ABCA3: variants seen among roughly 807,000 people sequenced by gnomAD.
ABCA3 encodes phospholipid-transporting ATPase ABCA3.
A neutral mutation model predicts 172.8 loss-of-function variants in ABCA3; 88 were observed. The ratio of observed to expected loss-of-function variants is 0.51; its 90% CI spans 0.43 to 0.61. ABCA3 has a LOEUF of 0.61. Among genes scored for constraint, ABCA3 ranks in the 20% least tolerant of loss-of-function variants. The pLI is 0.00. For synonymous variants in ABCA3, 1,066 were observed against 983.8 expected, an observed-to-expected ratio of 1.08 and a Z score of -1.56; for missense variants, 2,164 against 2,301.0, an observed-to-expected ratio of 0.94 and a Z score of 1.22.
chr16:2,295,468 A>T, intron 18 of ABCA3, 122 bp downstream of exon 18: 2 of 1,467,216 alleles, frequency 1.4e-6, no homozygotes, highest in East Asian at 2.3e-5. Context: ...TGAGGGTCTA[A>T]GAGTGCCGAC....
At chr16:2,334,866 T>C (rs2093749293) in intron 1 of ABCA3, among the ~76,000 whole-genome samples, 1 of 151,342 alleles carries the variant, frequency 6.6e-6, no homozygotes, top group Non-Finnish European at 1.5e-5. Flanking sequence ...TTCACTCTTG[T>C]TGCCCAGGCT....
At chr16:2,307,016 C>CAAAAAAAAAAAAAAAAAA (rs201661615) in intron 11 of ABCA3, among the ~76,000 whole-genome samples, 68 of 65,922 alleles carry the variant, frequency 1.0e-3, no homozygotes, top group Non-Finnish European at 1.3e-3. Context: ...GACTCCGTCT[C>CAAAAAAAAAAAAAAAAAA]AAAAAAAAAA....
chr16:2,279,112 A>G lies in ABCA3; in HGVS notation c.4378T>C (p.Tyr1460His). Residue 1460 changes from tyrosine (Y) to histidine (H), a missense_variant, in exon 29 of 33, where the codon TAC becomes CAC. Physicochemically the swap from Tyr to His is moderately conservative, Grantham distance 83. Coordinates refer to ENST00000301732, the MANE Select transcript of ABCA3 (RefSeq NM_001089.3). This position sits in a 1 kb window ranked among gnomAD's most constrained non-coding sequence, Gnocchi z 4.4. ...DVGKVRQRIG[Y>H]CPQFDALLDH... The stretch of plus-strand genomic sequence containing the variant: ...AGCAAGGCATCAAACTGCGGGCAGT[A>G]GCCGATCCGCTGCCGCACCTGGGGT... The G allele has an allele frequency of 6.2e-7, 1 of 1,611,836 alleles. No individual in the cohort carries two copies. Among genetic ancestry groups the G allele is most frequent in the Non-Finnish European group, 8.5e-7 (1 of 1,179,994 alleles).
At chr16:2,337,752 C>T (rs2141754190) in intron 1 of ABCA3, among the ~76,000 whole-genome samples, 1 of 152,312 alleles carries the variant, frequency 6.6e-6, no homozygotes, top group Non-Finnish European at 1.5e-5. Flanking sequence ...AACCCACAGC[C>T]ATTGGCTGAG....
rs142938848 is a variant in ABCA3 at position 2,319,692 on chromosome 16, G to T, written c.762C>A (p.Pro254=). ...RFPYPPFIAD[P]FLVAIQYQLP... ...GCTGGTACTGGATGGCCACGAGGAA[G>T]GGGTCTGCGATGAACGGCGGGTACG... is the stretch of plus-strand genomic sequence containing the variant. Residue 254 remains proline (P), a synonymous_variant, in exon 8 of 33, where the codon CCC becomes CCA. Transcript: ENST00000301732. The T allele has an allele frequency of 3.0e-5, 48 of 1,613,906 alleles. No homozygotes were observed. The highest frequency in any genetic ancestry group is 1.4e-5 in the Non-Finnish European group (16 of 1,180,024).
chr16:2,331,921 A>C (rs2093743858), intron 1 of ABCA3, among the ~76,000 whole-genome samples: 1 of 152,202 alleles, frequency 6.6e-6, no homozygotes, highest in Non-Finnish European at 1.5e-5. Context: ...CACAGTCAGG[A>C]AAGGGAAGGC....
At chr16:2,319,378 G>C (rs567739572) in intron 8 of ABCA3, among the ~76,000 whole-genome samples, 2 of 151,888 alleles carry the variant, frequency 1.3e-5, no homozygotes, top group African/African-American at 4.8e-5. Context: ...CCAACTACTC[G>C]GGAGGCTGAG....
intron 7 of ABCA3, among the ~76,000 whole-genome samples, chr16:2,323,046 A>G (rs990744268): frequency 2.6e-5 from 4 of 152,380 alleles, no homozygotes; most frequent in African/African-American, 7.2e-5. Flanking sequence ...CAAAAGACAC[A>G]TGAAAAAATG....
At position 2,300,034 on chromosome 16, in the gene ABCA3, C is replaced by A; in HGVS notation, c.1582G>T (p.Ala528Ser). ...YFEAEPEDLV[A>S]GIKIKHLSKV... ...GACAGGTGCTTGATCTTGATCCCCG[C>A]CACCAGGTCCTCTGGCTCGGCTTCA... Residue 528 changes from alanine (A) to serine (S), a missense_variant, in exon 13 of 33, where the codon GCG becomes TCG. By Grantham distance (99) the Ala-to-Ser change is moderately conservative. This residue lies in a region of ABCA3 where 1,343 missense variants were observed against 1,369.6 expected (regional missense o/e 0.98). Coordinates refer to ENST00000301732, the MANE Select transcript of ABCA3 (RefSeq NM_001089.3). 6.2e-7 allele frequency: 1 copy of A among 1,613,448 alleles called. No individual in the cohort carries two copies. The highest frequency in any genetic ancestry group is 8.5e-7 in the Non-Finnish European group (1 of 1,179,950).
chr16:2,329,066 CAAT>C (rs1244056687), intron 2 of ABCA3, among the ~76,000 whole-genome samples: 3 of 149,816 alleles, frequency 2.0e-5, no homozygotes, highest in African/African-American at 7.4e-5. Flanking sequence ...AAAGGGTAGT[CAAT>C]AAATATTTAC....
rs2093700963 is a variant in ABCA3 at position 2,308,310 on chromosome 16, T to C, written c.1285+140A>G. 5 of 1,026,788 alleles carry C rather than the reference T, an allele frequency of 4.9e-6. No homozygotes were observed. The Admixed American group carries it at 1.0e-4, about 21-fold the overall frequency. 63.6% of individuals were successfully genotyped at this position (1,026,788 alleles called of 1,614,324 possible). On this transcript the variant is annotated intron_variant, in intron 11 of 32. Coordinates refer to ENST00000301732, the MANE Select transcript of ABCA3 (RefSeq NM_001089.3). Reference sequence around the variant, plus strand: ...TATCCAGCCCACACTCAGCGCTGTATGCGGATGCTGCTGCCTTCAGTGGTC... The same window carrying C: ...TATCCAGCCCACACTCAGCGCTGTACGCGGATGCTGCTGCCTTCAGTGGTC...
At chr16:2,317,464 C>T in intron 9 of ABCA3, 61 bp from the exon 10 acceptor site, 1 of 1,608,706 alleles carries the variant, frequency 6.2e-7, no homozygotes, top group Non-Finnish European at 8.5e-7. Flanking sequence ...AGGAGGACTC[C>T]TGACCATCCC....
Position 2,277,608 on chromosome 16 carries a change from T to C in ABCA3, c.4972A>G (p.Ser1658Gly), listed in dbSNP as rs1363708233. ...AGGGACTGCCTCACCTTCGCCCAGC[T>C]GAGGTCACGGCCCGGCAGGTGGTAA... is the stretch of plus-strand genomic sequence containing the variant. ...VHYHLPGRDL[S>G]WAKVFGILEK... Residue 1658 changes from serine (S) to glycine (G), a missense_variant, in exon 32 of 33, where the codon AGC becomes GGC. By Grantham distance (56) the Ser-to-Gly change is moderately conservative. Transcript: ENST00000301732. This position sits in a 1 kb window ranked among gnomAD's most constrained non-coding sequence, Gnocchi z 5.3. 1 of 1,613,130 alleles carries C rather than the reference T, an allele frequency of 6.2e-7. No individual in the cohort carries two copies. Among genetic ancestry groups the C allele is most frequent in the African/African-American group, 1.3e-5 (1 of 75,062 alleles).
In ABCA3 at chr16:2,286,612, A is replaced by G; in HGVS notation, c.3278+82T>C. ...TTTGGGAGGGCAGACACAATGCTCT[A>G]TCTATGGGCCCGTGGCAGTGCCCAG... On this transcript the variant is annotated intron_variant, in intron 22 of 32. Coordinates refer to ENST00000301732, the MANE Select transcript of ABCA3 (RefSeq NM_001089.3). The surrounding 1 kb of genome is among the most constrained non-coding windows in gnomAD (Gnocchi z 5.2). The G allele has an allele frequency of 3.2e-6, 5 of 1,568,820 alleles. No homozygotes were observed. Among genetic ancestry groups the G allele is most frequent in the Middle Eastern group, 2.3e-4 (1 of 4,352 alleles).
chr16:2,299,522 AC>A lies in ABCA3; in HGVS notation c.1621del (p.Val541TrpfsTer12). The A allele has an allele frequency of 6.2e-7, 1 of 1,612,870 alleles. No individual in the cohort carries two copies. Among genetic ancestry groups the A allele is most frequent in the Non-Finnish European group, 8.5e-7 (1 of 1,179,910 alleles). On this transcript the variant is annotated frameshift_variant, in exon 14 of 33. Coordinates refer to ENST00000301732, the MANE Select transcript of ABCA3 (RefSeq NM_001089.3). LOFTEE classifies it high-confidence loss of function. ...GACGGCCGCCCTGTCCTTATTTCCC[AC>A]CCTGAACACCTGCAGGAAAGGCAGA... is the stretch of plus-strand genomic sequence containing the variant. ...KIKHLSKVFRVGNKDRAAVRD... is the reference protein window; with the variant it reads ...KIKHLSKVFRXGNKDRAAVRD...
At chr16:2,328,273 T>C (rs2093737503) in intron 3 of ABCA3, among the ~76,000 whole-genome samples, 180 bp downstream of exon 3, 1 of 151,758 alleles carries the variant, frequency 6.6e-6, no homozygotes, top group Non-Finnish European at 1.5e-5. Flanking sequence ...CTCATGCTTG[T>C]AAACCCAGCA....
intron 17 of ABCA3, among the ~76,000 whole-genome samples, chr16:2,296,152 G>T (rs2093679439): frequency 6.6e-6 from 1 of 152,160 alleles, no homozygotes; most frequent in Admixed American, 6.5e-5. Context: ...GCTACCGGCT[G>T]CAAGACCGCA....
chr16:2,303,921 T>G, intron 12 of ABCA3, 48 bp downstream of exon 12: 3 of 1,609,474 alleles, frequency 1.9e-6, no homozygotes, highest in Non-Finnish European at 2.6e-6. Context: ...TGGGGACACC[T>G]CTGCACTCAG....
In ABCA3 at chr16:2,297,807, G is replaced by A. The variant is rs183645105; in HGVS notation, c.2011C>T (p.Arg671Cys). Residue 671 changes from arginine to cysteine, a missense_variant, in exon 16 of 33, where the codon CGC becomes TGC. Around this residue, in one of 3 missense-constraint regions of ABCA3, gnomAD observed 1,343 missense variants for 1,369.6 expected, o/e 0.98. Coordinates refer to ENST00000301732, the MANE Select transcript of ABCA3 (RefSeq NM_001089.3). This position sits in a 1 kb window ranked among gnomAD's most constrained non-coding sequence, Gnocchi z 5.6. ...AGGGCGATGCCGATGGAGAGCTTGC[G>A]CCTCATGCCCCCGCTCAGGAAGCGG... is the stretch of plus-strand genomic sequence containing the variant. ...RSRFLSGGMR[R>C]KLSIGIALIA... 35 of 1,613,450 alleles carry A rather than the reference G, an allele frequency of 2.2e-5. No homozygotes were observed. The highest frequency in any genetic ancestry group is 8.3e-5 in the Admixed American group (5 of 60,030).
Sources: gnomAD v4.1 joint callset for allele counts (sites outside exome capture counted in the v4.1 genomes callset) on GRCh38, gnomAD v4.1.1 for gene constraint, gnomAD v4.1.1 regional missense constraint, Gnocchi (gnomAD v3.1) non-coding constraint, MANE v1.5 for transcripts, NCBI Gene and HGNC (gene_info 2026-07-23, HGNC 2026-07-21) for gene names.